CAMTA1: variants seen among roughly 807,000 people sequenced by gnomAD.
CAMTA1 encodes calmodulin binding transcription activator 1, also known as calmodulin-binding transcription activator 1.
Under a neutral mutation model 170.9 loss-of-function variants are expected in CAMTA1, and 27 were observed. The observed-to-expected ratio is 0.16, with a 90% confidence interval of 0.12 to 0.22. The LOEUF is 0.22. Among genes scored for constraint, CAMTA1 ranks in the 10% least tolerant of loss-of-function variants. CAMTA1 has a pLI of 1.00. For missense variants in CAMTA1, 1,619 were observed against 2,217.2 expected (o/e 0.73, Z 5.42); for synonymous variants, 833 against 891.5 (o/e 0.93, Z 1.17).
intron 6 of CAMTA1, among the ~76,000 whole-genome samples, chr1:7,502,754 C>T (rs992277002): frequency 6.6e-6 from 1 of 152,204 alleles, no homozygotes; most frequent in Admixed American, 6.5e-5. Flanking sequence ...GATGTGAAGT[C>T]AGCGCAAGAA....
intron 5 of CAMTA1, among the ~76,000 whole-genome samples, chr1:7,358,568 C>A (rs988570974): frequency 3.3e-5 from 5 of 152,174 alleles, no homozygotes; most frequent in African/African-American, 1.2e-4. Flanking sequence ...CCCGGGCAGC[C>A]CCGGCTGCTC....
At chr1:7,728,114 C>A (rs1324336368) in intron 11 of CAMTA1, among the ~76,000 whole-genome samples, 1 of 152,232 alleles carries the variant, frequency 6.6e-6, no homozygotes, top group Middle Eastern at 3.2e-3. Flanking sequence ...AGCTTAATAT[C>A]ATGCACTCAT....
At chr1:7,119,814 G>A (rs965449026) in intron 4 of CAMTA1, among the ~76,000 whole-genome samples, 9 of 152,120 alleles carry the variant, frequency 5.9e-5, no homozygotes, top group Admixed American at 3.3e-4. Flanking sequence ...GAATTAAGCC[G>A]TACAGAAAAT....
At chr1:7,123,838 C>A (rs1475106344) in intron 4 of CAMTA1, among the ~76,000 whole-genome samples, 2 of 152,170 alleles carry the variant, frequency 1.3e-5, no homozygotes, top group Non-Finnish European at 2.9e-5. Context: ...CAGTGAGAAC[C>A]AAGGCCTTGC....
chr1:7,220,300 TCCTCGAAGGACA>T (rs1289795170), intron 4 of CAMTA1, among the ~76,000 whole-genome samples: 26 of 152,218 alleles, frequency 1.7e-4, no homozygotes, highest in Non-Finnish European at 3.5e-4. Context: ...ATCCCAGGCC[TCCTCGAAGGACA>T]GGGAAAACCT....
Position 7,087,989 on chromosome 1 carries a change from T to A in CAMTA1, c.235-3315T>A, listed in dbSNP as rs569694052. Among the ~76,000 whole-genome samples, 263 of 152,174 alleles carry A rather than the reference T, an allele frequency of 1.7e-3. 1 individual carries two copies. Among genetic ancestry groups the A allele is most frequent in the African/African-American group, 6.0e-3 (251 of 41,526 alleles). On this transcript the variant is annotated intron_variant, in intron 3 of 22. Transcript: ENST00000303635. The stretch of plus-strand genomic sequence containing the variant: ...GCTCACCTGTGGTCTGCCCATCTGG[T>A]GAGGGGGTGGCCTGGGGAAGGGCCA...
At chr1:7,759,559 G>C (rs1455837933) in intron 22 of CAMTA1, among the ~76,000 whole-genome samples, 1 of 152,074 alleles carries the variant, frequency 6.6e-6, no homozygotes, top group East Asian at 1.9e-4. Flanking sequence ...CAATAGCTGT[G>C]TTTAGGAGAG....
intron 3 of CAMTA1, among the ~76,000 whole-genome samples, chr1:7,056,641 G>C (rs1707362458): frequency 6.6e-6 from 1 of 152,114 alleles, no homozygotes; most frequent in African/African-American, 2.4e-5. Flanking sequence ...CCCTCCTCAA[G>C]GGAGGAGCTC....
rs117008992 is a variant in CAMTA1 at position 7,143,497 on chromosome 1, G to T, written c.302+52126G>T. Among the ~76,000 whole-genome samples the T allele has an allele frequency of 1.8e-3, 268 of 152,194 alleles. 2 individuals carry two copies. In the East Asian group the frequency reaches 0.028, roughly 16 times the overall value. On this transcript the variant is annotated intron_variant, in intron 4 of 22. Transcript: ENST00000303635. ...ACCCATTGGCTTTCTCCCATCTCTG[G>T]GTGCAGCCTGCTTTTCTGGTCAGAT...
chr1:7,423,939 CTT>C (rs1320700596), intron 5 of CAMTA1, among the ~76,000 whole-genome samples: 1 of 152,194 alleles, frequency 6.6e-6, no homozygotes, highest in African/African-American at 2.4e-5. Context: ...GCGGCCAACT[CTT>C]TGCCCAAATG....
intron 4 of CAMTA1, among the ~76,000 whole-genome samples, chr1:7,191,759 C>T (rs562473120): frequency 2.6e-5 from 4 of 152,172 alleles, no homozygotes; most frequent in African/African-American, 4.8e-5. Context: ...GCTTTGTCAT[C>T]GACAGTTTCT....
chr1:7,539,522 C>G (rs1557882529), intron 6 of CAMTA1, among the ~76,000 whole-genome samples: 1 of 152,256 alleles, frequency 6.6e-6, no homozygotes, highest in Admixed American at 6.5e-5. Context: ...TTGCGCTGAA[C>G]CATTCCAGGG....
intron 5 of CAMTA1, among the ~76,000 whole-genome samples, chr1:7,276,359 G>T (rs1226325165): frequency 7.6e-6 from 1 of 131,436 alleles, no homozygotes; most frequent in Non-Finnish European, 1.6e-5. Context: ...ACCCAGGCTG[G>T]AGTGCAATGG....
intron 3 of CAMTA1, among the ~76,000 whole-genome samples, chr1:6,959,849 GAATC>G (rs1690079196): frequency 2.6e-5 from 4 of 152,122 alleles, no homozygotes; most frequent in Non-Finnish European, 1.5e-5. Context: ...CCTTCTGCAT[GAATC>G]ACAGAGTCAC....
At chr1:7,336,551 T>C (rs1161533768) in intron 5 of CAMTA1, among the ~76,000 whole-genome samples, 2 of 152,140 alleles carry the variant, frequency 1.3e-5, no homozygotes, top group African/African-American at 4.8e-5. Flanking sequence ...GTACGTGTGA[T>C]TGCAGGGGTG....
intron 5 of CAMTA1, among the ~76,000 whole-genome samples, chr1:7,284,164 T>G (rs1671956753): frequency 8.5e-6 from 1 of 118,250 alleles, no homozygotes; most frequent in Non-Finnish European, 1.7e-5. Context: ...TTCTTCTTCT[T>G]CTTCTTCTTC....
chr1:7,242,651 A>G (rs893979728), intron 4 of CAMTA1, among the ~76,000 whole-genome samples: 6 of 152,224 alleles, frequency 3.9e-5, no homozygotes, highest in East Asian at 1.9e-4. Flanking sequence ...CCCTTCAGCC[A>G]GGCGTGGTGG....
At chr1:7,679,436 G>A (rs1299035532) in intron 11 of CAMTA1, among the ~76,000 whole-genome samples, 2 of 152,172 alleles carry the variant, frequency 1.3e-5, no homozygotes, top group African/African-American at 4.8e-5. Context: ...AGAAGCTACG[G>A]CACGGGAGGA....
chr1:7,381,209 T>C (rs2087285888), intron 5 of CAMTA1, among the ~76,000 whole-genome samples: 1 of 151,910 alleles, frequency 6.6e-6, no homozygotes, highest in African/African-American at 2.4e-5. Context: ...ATTGTGCAGG[T>C]TAGTTACATA....
Sources: allele counts gnomAD v4.1 joint callset (sites outside exome capture counted in the v4.1 genomes callset), GRCh38; gene constraint gnomAD v4.1.1; transcripts MANE v1.5; gene names NCBI Gene and HGNC (gene_info 2026-07-23, HGNC 2026-07-21).